Variants in EIPR1 observed in about 807,000 individuals in gnomAD.
EIPR1 encodes EARP complex and GARP complex interacting protein 1, also known as EARP and GARP complex-interacting protein 1.
In EIPR1, 25 loss-of-function variants were observed where a neutral mutation model predicts 48.1. That is an observed-to-expected ratio of 0.52 (90% CI 0.38 to 0.73). The LOEUF is 0.73. Among genes scored for constraint, EIPR1 ranks in the 30% least tolerant of loss-of-function variants. EIPR1 has a pLI of 0.00. For synonymous variants in EIPR1, 204 were observed against 201.9 expected (o/e 1.01, Z -0.09); for missense variants, 415 against 506.2 (o/e 0.82, Z 1.73).
chr2:3,266,794 G>A (rs1447665211), intron 3 of EIPR1, among the ~76,000 whole-genome samples: 4 of 152,246 alleles, frequency 2.6e-5, no homozygotes, highest in Non-Finnish European at 4.4e-5. Flanking sequence ...CTGCAGCAGA[G>A]GCCAAGAGAG....
chr2:3,355,581 G>A (rs908071483), intron 1 of EIPR1, among the ~76,000 whole-genome samples: 1 of 152,230 alleles, frequency 6.6e-6, no homozygotes, highest in Non-Finnish European at 1.5e-5. Flanking sequence ...GCCTGAGGCA[G>A]TAAGATCACT....
At chr2:3,195,716 A>T (rs1441501597) in intron 6 of EIPR1, among the ~76,000 whole-genome samples, 1 of 152,200 alleles carries the variant, frequency 6.6e-6, no homozygotes, top group African/African-American at 2.4e-5. Context: ...CAAAAGCATC[A>T]TACCACCTAA....
At chr2:3,373,423 A>G in intron 1 of EIPR1, among the ~76,000 whole-genome samples, 1 of 152,204 alleles carries the variant, frequency 6.6e-6, no homozygotes, top group Non-Finnish European at 1.5e-5. Context: ...GATTAGGAAA[A>G]GAGGAAGTCA....
intron 2 of EIPR1, among the ~76,000 whole-genome samples, chr2:3,341,743 C>T (rs552227667): frequency 6.6e-6 from 1 of 151,714 alleles, no homozygotes; most frequent in Non-Finnish European, 1.5e-5. Flanking sequence ...GTGGGGGGTA[C>T]GTGGGCGTGG....
intron 3 of EIPR1, among the ~76,000 whole-genome samples, chr2:3,287,575 C>T (rs1484419409): frequency 1.3e-5 from 2 of 151,954 alleles, no homozygotes; most frequent in African/African-American, 2.4e-5. Context: ...GTTCACCACG[C>T]TCCAGAAAGC....
intron 4 of EIPR1, among the ~76,000 whole-genome samples, chr2:3,254,486 G>A (rs892307959): frequency 1.3e-5 from 2 of 152,168 alleles, no homozygotes; most frequent in Non-Finnish European, 1.5e-5. Flanking sequence ...GGGATATCCC[G>A]CCGCAGCAAA....
At chr2:3,206,034 C>A (rs1665223493) in intron 5 of EIPR1, among the ~76,000 whole-genome samples, 2 of 152,156 alleles carry the variant, frequency 1.3e-5, no homozygotes, top group Non-Finnish European at 2.9e-5. Flanking sequence ...TTCTGGAGCA[C>A]TATGGTCTGA....
At chr2:3,361,438 TTC>T (rs1670849035) in intron 1 of EIPR1, among the ~76,000 whole-genome samples, 1 of 152,064 alleles carries the variant, frequency 6.6e-6, no homozygotes, top group Non-Finnish European at 1.5e-5. Context: ...CTTCTCTGGC[TTC>T]TTAGTTAACA....
rs982935265 is a variant in EIPR1 at position 3,229,697 on chromosome 2, C to T, written c.417-15449G>A. On this transcript the variant is annotated intron_variant, in intron 4 of 8. Coordinates refer to ENST00000382125, the MANE Select transcript of EIPR1 (RefSeq NM_003310.5). Reference sequence around the variant, plus strand: ...GTTCACTGCAATGCTGATGAATCCACTCTTTCAATACACAATTAGGATCTT... The same window carrying T: ...GTTCACTGCAATGCTGATGAATCCATTCTTTCAATACACAATTAGGATCTT... Among the ~76,000 whole-genome samples the T allele has an allele frequency of 4.6e-5, 7 of 152,236 alleles. No homozygotes were observed. In the East Asian group the frequency reaches 1.3e-3, roughly 29 times the overall value.
intron 5 of EIPR1, 112 bp from the exon 6 acceptor site, chr2:3,197,129 A>C: frequency 3.3e-6 from 4 of 1,201,402 alleles, no homozygotes; most frequent in Non-Finnish European, 4.6e-6. Flanking sequence ...GAAAATAATT[A>C]CTGAGGATAA....
At chr2:3,335,807 C>T (rs1015604865) in intron 3 of EIPR1, among the ~76,000 whole-genome samples, 11 of 152,134 alleles carry the variant, frequency 7.2e-5, no homozygotes, top group Non-Finnish European at 1.3e-4. Flanking sequence ...CCCTGGCTTC[C>T]GTCACCCCCC....
At chr2:3,202,783 T>C (rs1558219865) in intron 5 of EIPR1, among the ~76,000 whole-genome samples, 1 of 152,222 alleles carries the variant, frequency 6.6e-6, no homozygotes, top group Non-Finnish European at 1.5e-5. Flanking sequence ...ACCGCTTGCG[T>C]CCAAAACCCA....
chr2:3,292,950 C>G (rs999597878), intron 3 of EIPR1, among the ~76,000 whole-genome samples: 1 of 151,770 alleles, frequency 6.6e-6, no homozygotes, highest in East Asian at 1.9e-4. Context: ...GGAGAGAGAA[C>G]GTTCCTTTTC....
chr2:3,236,275 G>A (rs957847962), intron 4 of EIPR1, among the ~76,000 whole-genome samples: 3 of 152,176 alleles, frequency 2.0e-5, no homozygotes, highest in African/African-American at 7.2e-5. Flanking sequence ...TTAAAGATGG[G>A]AAACTGGGCT....
chr2:3,205,128 T>A (rs1665185394), intron 5 of EIPR1, among the ~76,000 whole-genome samples: 1 of 152,120 alleles, frequency 6.6e-6, no homozygotes, highest in Admixed American at 6.5e-5. Context: ...TGCAGGCGTG[T>A]CCCAGGTTGT....
chr2:3,346,098 C>A (rs945187270), intron 2 of EIPR1, among the ~76,000 whole-genome samples: 2 of 152,248 alleles, frequency 1.3e-5, no homozygotes, highest in Admixed American at 6.5e-5. Context: ...CCCTGCCCAC[C>A]CCCTACACCC....
intron 3 of EIPR1, among the ~76,000 whole-genome samples, chr2:3,328,926 C>T (rs1669790921): frequency 2.2e-5 from 3 of 135,362 alleles, no homozygotes; most frequent in South Asian, 2.5e-4. Flanking sequence ...TGAATCAGAG[C>T]CCACCTACCA....
At chr2:3,234,023 T>A (rs1240901092) in intron 4 of EIPR1, among the ~76,000 whole-genome samples, 7 of 152,160 alleles carry the variant, frequency 4.6e-5, no homozygotes, top group African/African-American at 1.4e-4. Flanking sequence ...AGACAATATA[T>A]GACCAAAGGG....
intron 3 of EIPR1, 181 bp from the exon 4 acceptor site, chr2:3,257,636 C>A (rs1407346096): frequency 1.7e-6 from 1 of 580,842 alleles, no homozygotes; most frequent in Non-Finnish European, 2.8e-6. Context: ...CAGGCAGAAC[C>A]CGGCACGGTT....
Sources: allele counts gnomAD v4.1 joint callset (sites outside exome capture counted in the v4.1 genomes callset), GRCh38; gene constraint gnomAD v4.1.1; transcripts MANE v1.5; gene names NCBI Gene and HGNC (gene_info 2026-07-23, HGNC 2026-07-21).